The following LINGO1 variants were observed in gnomAD, a reference collection of about 807,000 sequenced individuals.
LINGO1 encodes the protein leucine rich repeat and Ig domain containing 1.
LINGO1 carries 11 observed loss-of-function variants against 37.3 expected under a neutral mutation model. That is an observed-to-expected ratio of 0.29 (90% CI 0.19 to 0.49). The LOEUF (loss-of-function observed/expected upper bound fraction) is 0.49. Among genes scored for constraint, LINGO1 ranks in the 20% least tolerant of loss-of-function variants. The probability of loss-of-function intolerance (pLI) is 0.99; values close to 1 mark genes in which losing one functional copy is unlikely to be tolerated. For synonymous variants in LINGO1, 387 were observed against 403.0 expected, an observed-to-expected ratio of 0.96 and a Z score of 0.48; for missense variants, 585 against 878.2, an observed-to-expected ratio of 0.67 and a Z score of 4.22.
chr15:77,818,548 A>G (rs1469773852), intron 1 of LINGO1, among the ~76,000 whole-genome samples: 5 of 151,942 alleles, frequency 3.3e-5, no homozygotes, highest in Admixed American at 6.5e-5. Context: ...CTGAGGGTCC[A>G]GGTCGGGTGG....
At position 77,778,139 on chromosome 15, in the gene LINGO1, T is replaced by C. The variant is rs370980133; in HGVS notation, c.-257+8730A>G. ...AGGGGCATATCCATTCCTGGCCTCT[T>C]CCAGCTTTTGGTGACCACGGTCATC... On this transcript the variant is annotated intron_variant, in intron 1 of 3. Transcript: ENST00000561686. 2.0e-4 allele frequency among the ~76,000 whole-genome samples: 31 copies of C among 152,318 alleles called. No individual in the cohort carries two copies. The South Asian group carries it at 5.8e-3, about 28-fold the overall frequency.
Position 77,624,840 on chromosome 15 carries a change from G to A in LINGO1, c.6+7470C>T, listed in dbSNP as rs140822954. Among the ~76,000 whole-genome samples, 874 of 152,176 alleles carry A rather than the reference G, an allele frequency of 5.7e-3. 7 individuals are homozygous for A. The highest frequency in any genetic ancestry group is 8.6e-3 in the Non-Finnish European group (588 of 67,988). On this transcript the variant is annotated intron_variant, in intron 1 of 1. Coordinates refer to ENST00000355300, the MANE Select transcript of LINGO1 (RefSeq NM_032808.7). Reference sequence around the variant, plus strand: ...AGGTGGGGCAGGCAAGTGCCTATTCGGGGGGGTAACCTGAGAGAGGCCCAA... The same window carrying A: ...AGGTGGGGCAGGCAAGTGCCTATTCAGGGGGGTAACCTGAGAGAGGCCCAA...
At chr15:77,741,878 C>T (rs2076268041) in intron 1 of LINGO1, among the ~76,000 whole-genome samples, 1 of 152,208 alleles carries the variant, frequency 6.6e-6, no homozygotes, top group African/African-American at 2.4e-5. Flanking sequence ...ACAAGACTTC[C>T]CAAGACCTCA....
intron 2 of LINGO1, among the ~76,000 whole-genome samples, chr15:77,719,556 C>T (rs1285542450): frequency 1.3e-5 from 2 of 149,548 alleles, no homozygotes; most frequent in Admixed American, 1.3e-4. Context: ...TCGGCTCCTG[C>T]CGGCATATGC....
intron 1 of LINGO1, among the ~76,000 whole-genome samples, chr15:77,742,247 C>T (rs1159131287): frequency 6.6e-6 from 1 of 152,240 alleles, no homozygotes; most frequent in Non-Finnish European, 1.5e-5. Flanking sequence ...GTGAGAAGGC[C>T]CAGGCTGGCC....
chr15:77,616,029 T>C (rs1595980455), intron 1 of LINGO1, 129 bp from the exon 2 acceptor site: 2 of 612,150 alleles, frequency 3.3e-6, no homozygotes, highest in Non-Finnish European at 5.2e-6. Flanking sequence ...AGAGGCAGGG[T>C]CCAGATGCCC....
intron 3 of LINGO1, among the ~76,000 whole-genome samples, chr15:77,664,170 T>TGTGTGCGCGC: frequency 4.6e-4 from 60 of 130,990 alleles, no homozygotes; most frequent in African/African-American, 1.9e-3. Flanking sequence ...TGTGTGTGTG[T>TGTGTGCGCGC]GCGCGCGCGC....
chr15:77,784,104 G>A (rs867681287), intron 1 of LINGO1, among the ~76,000 whole-genome samples: 2 of 152,260 alleles, frequency 1.3e-5, no homozygotes, highest in African/African-American at 4.8e-5. Flanking sequence ...CATGCTGAGA[G>A]ACAATCTGTC....
chr15:77,768,278 G>T (rs2076549928), intron 1 of LINGO1, among the ~76,000 whole-genome samples: 1 of 152,104 alleles, frequency 6.6e-6, no homozygotes, highest in Non-Finnish European at 1.5e-5. Context: ...AGGGTCCCCG[G>T]GCAGACAGGA....
intron 1 of LINGO1, among the ~76,000 whole-genome samples, chr15:77,624,392 T>C (rs116049864): frequency 0.016 from 2,441 of 152,116 alleles, 46 homozygotes; most frequent in African/African-American, 0.05. Flanking sequence ...CATGGTGTGA[T>C]TGTCTGCCTG....
intron 1 of LINGO1, among the ~76,000 whole-genome samples, chr15:77,695,269 C>T (rs570355499): frequency 4.6e-5 from 7 of 151,948 alleles, no homozygotes; most frequent in South Asian, 4.2e-4. Context: ...AGAGGCAGCC[C>T]GGTGAGCAGA....
chr15:77,747,195 G>A (rs1013940463), intron 1 of LINGO1, among the ~76,000 whole-genome samples: 20 of 152,156 alleles, frequency 1.3e-4, no homozygotes, highest in African/African-American at 4.3e-4. Context: ...TTGGTCCCCC[G>A]CCCAGGCCTA....
intron 1 of LINGO1, chr15:77,695,953 A>C (rs1425886331): frequency 1.4e-5 from 2 of 146,508 alleles, no homozygotes; most frequent in Non-Finnish European, 3.0e-5. Flanking sequence ...GGAGGGAAGG[A>C]GGAAGGGAGA....
At chr15:77,662,573 G>C (rs989992923) in intron 3 of LINGO1, among the ~76,000 whole-genome samples, 11 of 152,214 alleles carry the variant, frequency 7.2e-5, no homozygotes, top group South Asian at 6.2e-4. Context: ...CCAAGGACTA[G>C]CTTCCTTGGC....
intron 1 of LINGO1, among the ~76,000 whole-genome samples, chr15:77,773,871 C>T (rs983543769): frequency 2.6e-5 from 4 of 152,100 alleles, no homozygotes; most frequent in Admixed American, 2.0e-4. Flanking sequence ...TCTGGCCCCC[C>T]ACTCTCTCCC....
At chr15:77,795,389 G>C (rs2076864829) in intron 2 of LINGO1, among the ~76,000 whole-genome samples, 1 of 152,158 alleles carries the variant, frequency 6.6e-6, no homozygotes, top group Admixed American at 6.5e-5. Flanking sequence ...CATCTCCTCT[G>C]TTCACAGAGA....
intron 2 of LINGO1, among the ~76,000 whole-genome samples, chr15:77,712,481 T>C (rs1596143932): frequency 6.6e-6 from 1 of 152,118 alleles, no homozygotes. Context: ...CACTTATAGC[T>C]GGGAGGCCAA....
chr15:77,793,475 G>C (rs929393243), intron 2 of LINGO1, among the ~76,000 whole-genome samples: 1 of 152,022 alleles, frequency 6.6e-6, no homozygotes, highest in African/African-American at 2.4e-5. Context: ...GCCAGCCCTG[G>C]CCCTGCCACT....
At chr15:77,652,849 G>C (rs1177539854) in intron 3 of LINGO1, among the ~76,000 whole-genome samples, 1 of 152,328 alleles carries the variant, frequency 6.6e-6, no homozygotes, top group East Asian at 1.9e-4. Context: ...TTCCTGGAGG[G>C]AGTGTGCCTC....
Sources: allele counts gnomAD v4.1 joint callset (sites outside exome capture counted in the v4.1 genomes callset), GRCh38; gene constraint gnomAD v4.1.1; transcripts MANE v1.5; gene names NCBI Gene and HGNC (gene_info 2026-07-23, HGNC 2026-07-21).